Variants in DCP2 observed in about 807,000 individuals in gnomAD.
DCP2 encodes the protein decapping mRNA 2.
A neutral mutation model predicts 56.1 loss-of-function variants in DCP2; 30 were observed. That is an observed-to-expected ratio of 0.53 (90% CI 0.40 to 0.73). The LOEUF (loss-of-function observed/expected upper bound fraction) is 0.73. Among genes scored for constraint, DCP2 ranks in the 30% least tolerant of loss-of-function variants. DCP2 has a pLI of 0.00. For synonymous variants in DCP2, 197 were observed against 163.3 expected (o/e 1.21, Z -1.57); for missense variants, 533 against 502.7 (o/e 1.06, Z -0.58).
In DCP2 at chr5:113,016,333, G is replaced by A. The variant is rs1425552310; in HGVS notation, c.*2849G>A. The A allele has an allele frequency of 1.3e-5, 2 of 152,718 alleles. No homozygotes were observed. The highest frequency in any genetic ancestry group is 2.9e-5 in the Non-Finnish European group (2 of 68,010). 9.5% of individuals were successfully genotyped at this position (152,718 alleles called of 1,614,324 possible). On this transcript the variant is annotated 3_prime_UTR_variant, in exon 11 of 11. Transcript: ENST00000389063. ...AACTCATATAGTGTGAGTGAAATTT[G>A]ATTAAAGATGTTGGAAAATGAAGTT... is the stretch of plus-strand genomic sequence containing the variant.
chr5:113,014,814 C>G lies in DCP2; in HGVS notation c.*1330C>G, dbSNP rs1749816127. 2 of 152,592 alleles carry G rather than the reference C, an allele frequency of 1.3e-5. No individual in the cohort carries two copies. The highest frequency in any genetic ancestry group is 4.2e-4 in the South Asian group (2 of 4,814). 9.5% of individuals were successfully genotyped at this position (152,592 alleles called of 1,614,324 possible). ...TAAAAATCCTTTTTTACAGTGGTAT[C>G]CACAAAATACTTCTCTGCTTATAAA... On this transcript the variant is annotated 3_prime_UTR_variant, in exon 11 of 11. Coordinates refer to ENST00000389063, the MANE Select transcript of DCP2 (RefSeq NM_152624.6).
chr5:113,009,883 C>T (rs915481701), intron 9 of DCP2, among the ~76,000 whole-genome samples: 1 of 151,112 alleles, frequency 6.6e-6, no homozygotes, highest in African/African-American at 2.4e-5. Context: ...TACTAATTAG[C>T]TCTGGGTTGA....
intron 8 of DCP2, 78 bp downstream of exon 8, chr5:113,004,155 A>G: frequency 6.7e-7 from 1 of 1,500,452 alleles, no homozygotes; most frequent in Non-Finnish European, 9.1e-7. Context: ...GGAGAATTAC[A>G]TCTTAATAGT....
At chr5:112,987,297 T>C (rs777610614) in intron 2 of DCP2, among the ~76,000 whole-genome samples, 3 of 152,064 alleles carry the variant, frequency 2.0e-5, no homozygotes, top group Admixed American at 6.5e-5. Context: ...AAATTGGAGA[T>C]TTGAAAAAGG....
At chr5:112,977,071 G>C in intron 1 of DCP2, 85 bp downstream of exon 1, 1 of 1,071,942 alleles carries the variant, frequency 9.3e-7, no homozygotes, top group Non-Finnish European at 1.3e-6. Context: ...CTTCTTCCCC[G>C]CCCACGTCCA....
Position 113,020,919 on chromosome 5 carries a change from T to C in DCP2, c.*7435T>C, listed in dbSNP as rs1485163024. 1 of 152,238 alleles carries C rather than the reference T, an allele frequency of 6.6e-6. No individual in the cohort carries two copies. The highest frequency in any genetic ancestry group is 1.5e-5 in the Non-Finnish European group (1 of 68,036). The allele number at this position is 152,238 out of a possible 1,614,324, so 9.4% of individuals were successfully genotyped here. On this transcript the variant is annotated 3_prime_UTR_variant, in exon 11 of 11. Transcript: ENST00000389063. ...AAACATCATTGTGTTAGATTGTTTG[T>C]AATGTACTATCAATAAAATTGGCTG...
chr5:113,010,880 G>T, intron 10 of DCP2, 73 bp downstream of exon 10: 2 of 1,445,274 alleles, frequency 1.4e-6, no homozygotes. Context: ...TTTGATTTTA[G>T]TGGGAGTATG....
Position 112,992,698 on chromosome 5 carries a change from A to G in DCP2, c.360A>G (p.Ala120=), listed in dbSNP as rs757391258. ...ENVLLVQGYL[A]KSGWGFPKGK... is the part of the protein sequence containing the mutation. ...TACTACTAGTTCAGGGGTACCTAGC[A>G]AAATCAGGCTGGGGATTTCCAAAAG... Residue 120 remains alanine, a synonymous_variant, in exon 4 of 11, where the codon GCA becomes GCG. Coordinates refer to ENST00000389063, the MANE Select transcript of DCP2 (RefSeq NM_152624.6). 2.5e-6 allele frequency: 4 copies of G among 1,586,244 alleles called. No homozygotes were observed. Among genetic ancestry groups the G allele is most frequent in the Non-Finnish European group, 3.4e-6 (4 of 1,171,994 alleles).
intron 8 of DCP2, among the ~76,000 whole-genome samples, chr5:113,005,598 A>G (rs189620734): frequency 3.9e-5 from 6 of 152,304 alleles, no homozygotes; most frequent in African/African-American, 9.6e-5. Context: ...GAGTTTGGCA[A>G]TTTCTCAAAC....
In DCP2 at chr5:112,992,262, A is replaced by T; in HGVS notation, c.333+14A>T. On this transcript the variant is annotated intron_variant, in intron 3 of 10. Coordinates refer to ENST00000389063, the MANE Select transcript of DCP2 (RefSeq NM_152624.6). Reference sequence around the variant, plus strand: ...ACACTTGAAAATGTGAGTGTAATGAAATAAAGATTTTTAGTGAAATGGTGA... The same window carrying T: ...ACACTTGAAAATGTGAGTGTAATGATATAAAGATTTTTAGTGAAATGGTGA... 1 of 1,602,400 alleles carries T rather than the reference A, an allele frequency of 6.2e-7. No individual in the cohort carries two copies. Among genetic ancestry groups the T allele is most frequent in the Non-Finnish European group, 8.5e-7 (1 of 1,175,940 alleles).
intron 2 of DCP2, among the ~76,000 whole-genome samples, chr5:112,990,501 A>T (rs779316321): frequency 6.6e-6 from 1 of 152,226 alleles, no homozygotes; most frequent in Non-Finnish European, 1.5e-5. Flanking sequence ...TTATAGAACC[A>T]TAGAGCTTCA....
chr5:112,999,782 CG>C (rs1749053565), intron 4 of DCP2, among the ~76,000 whole-genome samples: 1 of 151,576 alleles, frequency 6.6e-6, no homozygotes, highest in African/African-American at 2.4e-5. Context: ...GGCGTGCGGC[CG>C]GGCATGGTGG....
intron 1 of DCP2, among the ~76,000 whole-genome samples, chr5:112,979,342 A>G (rs1050836015): frequency 7.9e-5 from 12 of 152,314 alleles, no homozygotes; most frequent in African/African-American, 2.9e-4. Context: ...AGCTTTGATT[A>G]ATTGAAATAT....
At chr5:113,004,742 G>A (rs1749331359) in intron 8 of DCP2, among the ~76,000 whole-genome samples, 1 of 151,184 alleles carries the variant, frequency 6.6e-6, no homozygotes, top group South Asian at 2.1e-4. Flanking sequence ...ATACATGAGA[G>A]TTCTAATCGT....
intron 4 of DCP2, among the ~76,000 whole-genome samples, chr5:112,996,243 T>C (rs1344884988): frequency 1.3e-5 from 2 of 152,222 alleles, no homozygotes; most frequent in African/African-American, 4.8e-5. Flanking sequence ...GCTGCACGGC[T>C]TGACCGAGTG....
chr5:112,992,578 G>T (rs776660197), intron 3 of DCP2, 94 bp from the exon 4 acceptor site: 4 of 901,170 alleles, frequency 4.4e-6, no homozygotes, highest in Non-Finnish European at 5.1e-6. Flanking sequence ...GGCGATAACA[G>T]TTACCTCAAG....
intron 8 of DCP2, among the ~76,000 whole-genome samples, chr5:113,006,456 ACTG>A (rs1040947210): frequency 3.3e-5 from 5 of 152,326 alleles, no homozygotes; most frequent in South Asian, 2.1e-4. Flanking sequence ...CAATTAAAAA[ACTG>A]CTGGGAAGAG....
At chr5:112,978,381 G>A (rs1747828594) in intron 1 of DCP2, among the ~76,000 whole-genome samples, 1 of 152,110 alleles carries the variant, frequency 6.6e-6, no homozygotes, top group Non-Finnish European at 1.5e-5. Flanking sequence ...ATTTTCATCT[G>A]CGCAAACAGA....
chr5:113,001,948 AT>A (rs1344333782), intron 7 of DCP2, among the ~76,000 whole-genome samples: 1 of 152,190 alleles, frequency 6.6e-6, no homozygotes, highest in Admixed American at 6.5e-5. Flanking sequence ...AGGAAAAAAA[AT>A]CTTGTGTCGT....
Sources: gnomAD v4.1 joint callset for allele counts (sites outside exome capture counted in the v4.1 genomes callset) on GRCh38, gnomAD v4.1.1 for gene constraint, MANE v1.5 for transcripts, NCBI Gene and HGNC (gene_info 2026-07-23, HGNC 2026-07-21) for gene names.